DCC: variants seen among roughly 807,000 people sequenced by gnomAD.
The protein encoded by DCC is DCC netrin 1 receptor, also known as netrin receptor DCC.
Under a neutral mutation model 172.5 loss-of-function variants are expected in DCC, and 58 were observed. That is an observed-to-expected ratio of 0.34 (90% CI 0.27 to 0.42). The LOEUF is 0.42. Among genes scored for constraint, DCC ranks in the 10% least tolerant of loss-of-function variants. The pLI, the probability that DCC is intolerant of heterozygous loss-of-function variation, is 1.00. For synonymous variants in DCC, 709 were observed against 644.5 expected (o/e 1.10, Z -1.52); for missense variants, 1,740 against 1,791.0 (o/e 0.97, Z 0.51).
chr18:52,873,581 A>G (rs2039356265), intron 2 of DCC, among the ~76,000 whole-genome samples: 1 of 152,216 alleles, frequency 6.6e-6, no homozygotes, highest in Admixed American at 6.5e-5. Flanking sequence ...TAGTTTTATC[A>G]AAATTAATAT....
intron 1 of DCC, among the ~76,000 whole-genome samples, chr18:52,708,171 G>A (rs1296125534): frequency 1.3e-5 from 2 of 152,268 alleles, no homozygotes; most frequent in South Asian, 4.1e-4. Context: ...GCTGGGCACA[G>A]TGGCTCACGC....
At chr18:52,492,188 G>T (rs985453470) in intron 1 of DCC, among the ~76,000 whole-genome samples, 3 of 151,908 alleles carry the variant, frequency 2.0e-5, no homozygotes, top group African/African-American at 7.3e-5. Context: ...ACAACATCTT[G>T]ATTGCCTTGA....
intron 1 of DCC, among the ~76,000 whole-genome samples, chr18:52,554,888 T>C (rs1014880134): frequency 3.3e-5 from 5 of 151,992 alleles, no homozygotes; most frequent in African/African-American, 4.8e-5. Context: ...AAAGTGGTCA[T>C]GAAGAAAAGG....
chr18:52,413,094 G>C (rs754213791), intron 1 of DCC, among the ~76,000 whole-genome samples: 11 of 150,752 alleles, frequency 7.3e-5, no homozygotes, highest in Admixed American at 1.3e-4. Flanking sequence ...AGTTGAGTTT[G>C]TTTAGAGGCT....
chr18:53,108,338 T>C (rs533673315), intron 7 of DCC, among the ~76,000 whole-genome samples: 2 of 151,810 alleles, frequency 1.3e-5, no homozygotes, highest in Admixed American at 6.6e-5. Context: ...CTGAATTGTA[T>C]TGAAACTTCT....
intron 5 of DCC, among the ~76,000 whole-genome samples, chr18:53,038,204 C>T (rs1001889526): frequency 4.6e-5 from 7 of 151,958 alleles, no homozygotes; most frequent in Non-Finnish European, 7.4e-5. Flanking sequence ...CTTACTTGTA[C>T]AGTAAATTAG....
chr18:52,779,746 T>A (rs905545647), intron 2 of DCC, among the ~76,000 whole-genome samples: 2 of 152,204 alleles, frequency 1.3e-5, no homozygotes, highest in African/African-American at 4.8e-5. Context: ...TCCACAATGG[T>A]TGAACTAATT....
chr18:53,125,504 CT>C (rs1308323585), intron 7 of DCC, among the ~76,000 whole-genome samples: 2 of 152,094 alleles, frequency 1.3e-5, no homozygotes, highest in Non-Finnish European at 2.9e-5. Context: ...TTCTTAGCAA[CT>C]TTTTCTTTAT....
intron 1 of DCC, among the ~76,000 whole-genome samples, chr18:52,539,625 G>A (rs183157568): frequency 4.6e-5 from 7 of 152,188 alleles, no homozygotes; most frequent in South Asian, 2.1e-4. Context: ...CCATGCCCCC[G>A]GCCCATCCCA....
chr18:52,622,510 A>G (rs2034498699), intron 1 of DCC, among the ~76,000 whole-genome samples: 1 of 152,184 alleles, frequency 6.6e-6, no homozygotes, highest in Admixed American at 6.5e-5. Context: ...TATTCTATTA[A>G]AAGACTTATC....
In DCC at chr18:53,063,339, G is replaced by A. The variant is rs761910324; in HGVS notation, c.1020G>A (p.Leu340=). 6.2e-7 allele frequency: 1 copy of A among 1,612,848 alleles called. No individual in the cohort carries two copies. Among genetic ancestry groups the A allele is most frequent in the Admixed American group, 1.7e-5 (1 of 59,926 alleles). ...GGTTTTTAAATCATCCTTCCAACCT[G>A]TATGCCTATGAAAGCATGGATATTG... ...PPWFLNHPSN[L]YAYESMDIEF... The change falls in exon 6 of 29, where the codon CTG becomes CTA. Residue 340 remains leucine, a synonymous_variant. Transcript: ENST00000442544.
At chr18:53,172,942 T>C (rs979435093) in intron 8 of DCC, among the ~76,000 whole-genome samples, 7 of 152,118 alleles carry the variant, frequency 4.6e-5, no homozygotes, top group African/African-American at 1.2e-4. Context: ...TAAATCTCAC[T>C]TTCTATATGT....
intron 8 of DCC, among the ~76,000 whole-genome samples, chr18:53,167,691 G>A (rs2054943268): frequency 2.0e-5 from 3 of 152,092 alleles, no homozygotes; most frequent in Admixed American, 2.0e-4. Flanking sequence ...AAATATAAAT[G>A]GAATATGGCT....
At chr18:52,380,600 C>T (rs1985543733) in intron 1 of DCC, among the ~76,000 whole-genome samples, 2 of 152,090 alleles carry the variant, frequency 1.3e-5, no homozygotes, top group Admixed American at 1.3e-4. Context: ...CGAGATTTAA[C>T]CATGAGTTTT....
chr18:53,197,114 T>A (rs1223971079), intron 9 of DCC, among the ~76,000 whole-genome samples: 1 of 152,136 alleles, frequency 6.6e-6, no homozygotes, highest in Non-Finnish European at 1.5e-5. Flanking sequence ...TAAATGTAAG[T>A]AGTTTCAGAA....
chr18:52,358,268 G>T (rs1984466528), intron 1 of DCC, among the ~76,000 whole-genome samples: 1 of 152,114 alleles, frequency 6.6e-6, no homozygotes, highest in Admixed American at 6.5e-5. Flanking sequence ...AAACCACTTG[G>T]CTGTGCATTG....
chr18:53,335,125 G>A (rs143766744), intron 14 of DCC, among the ~76,000 whole-genome samples: 1 of 151,848 alleles, frequency 6.6e-6, no homozygotes, highest in Non-Finnish European at 1.5e-5. Context: ...ATCCTCTTTG[G>A]TTTCTCTGAA....
intron 1 of DCC, among the ~76,000 whole-genome samples, chr18:52,381,528 T>C (rs1260015636): frequency 6.6e-6 from 1 of 151,992 alleles, no homozygotes; most frequent in Non-Finnish European, 1.5e-5. Context: ...CCAGCTAGAG[T>C]TGGGCCTTCT....
At chr18:53,403,839 T>C (rs1909474274) in intron 19 of DCC, among the ~76,000 whole-genome samples, 1 of 152,258 alleles carries the variant, frequency 6.6e-6, no homozygotes, top group Non-Finnish European at 1.5e-5. Context: ...TAATTTACTT[T>C]CTGAATTTTG....
Sources: gnomAD v4.1 joint callset for allele counts (sites outside exome capture counted in the v4.1 genomes callset) on GRCh38, gnomAD v4.1.1 for gene constraint, MANE v1.5 for transcripts, NCBI Gene and HGNC (gene_info 2026-07-23, HGNC 2026-07-21) for gene names.